KAZN: variants seen among roughly 807,000 people sequenced by gnomAD.
KAZN encodes the protein kazrin, periplakin interacting protein.
Under a neutral mutation model 87.4 loss-of-function variants are expected in KAZN, and 40 were observed. The ratio of observed to expected loss-of-function variants is 0.46; its 90% CI spans 0.36 to 0.60. The LOEUF (loss-of-function observed/expected upper bound fraction) is 0.60, where lower values mean the gene tolerates loss of function less well. KAZN is among the 20% of genes least tolerant of loss of function. The pLI, the probability that KAZN is intolerant of heterozygous loss-of-function variation, is 0.00. For synonymous variants in KAZN, 466 were observed against 458.3 expected, an observed-to-expected ratio of 1.02 and a Z score of -0.22; for missense variants, 898 against 1,073.9, an observed-to-expected ratio of 0.84 and a Z score of 2.29.
chr1:15,043,876 C>G (rs914936323), intron 3 of KAZN, 113 bp from the exon 4 acceptor site: 2 of 1,087,416 alleles, frequency 1.8e-6, no homozygotes, highest in African/African-American at 3.2e-5. Context: ...ATCTCCTGAC[C>G]TCGTGACCCC....
At chr1:15,106,996 C>T (rs1234847343) in intron 13 of KAZN, among the ~76,000 whole-genome samples, 1 of 152,138 alleles carries the variant, frequency 6.6e-6, no homozygotes, top group African/African-American at 2.4e-5. Flanking sequence ...GCCTTGAAGG[C>T]AATATGGCCT....
chr1:13,929,731 T>G (rs1216179392), intron 1 of KAZN, among the ~76,000 whole-genome samples: 4 of 152,192 alleles, frequency 2.6e-5, no homozygotes, highest in African/African-American at 9.7e-5. Flanking sequence ...TGGGAAGTGT[T>G]TGATATTTTC....
intron 2 of KAZN, among the ~76,000 whole-genome samples, chr1:14,486,668 A>G (rs926340986): frequency 4.6e-5 from 7 of 152,200 alleles, no homozygotes; most frequent in Admixed American, 4.6e-4. Context: ...CTCAGCAGAT[A>G]GACATTTTGA....
intron 1 of KAZN, among the ~76,000 whole-genome samples, chr1:14,730,794 C>G (rs1643644594): frequency 6.6e-6 from 1 of 152,280 alleles, no homozygotes; most frequent in Non-Finnish European, 1.5e-5. Flanking sequence ...AGGAACATTC[C>G]TTCCTGATTT....
intron 1 of KAZN, among the ~76,000 whole-genome samples, chr1:13,990,287 G>GA (rs1639216495): frequency 6.6e-6 from 1 of 152,028 alleles, no homozygotes; most frequent in Non-Finnish European, 1.5e-5. Flanking sequence ...AGTCCATCAA[G>GA]AAAAGAATGA....
intron 2 of KAZN, among the ~76,000 whole-genome samples, chr1:14,438,254 G>A (rs1471426146): frequency 6.6e-6 from 1 of 152,160 alleles, no homozygotes; most frequent in Non-Finnish European, 1.5e-5. Flanking sequence ...TGCCTGCCAG[G>A]TGCCCAGTGC....
intron 2 of KAZN, among the ~76,000 whole-genome samples, chr1:14,396,042 C>A (rs1026972596): frequency 3.3e-5 from 5 of 151,774 alleles, no homozygotes; most frequent in Admixed American, 3.3e-4. Flanking sequence ...GTGGCGCGCC[C>A]CTGTAATCCC....
chr1:13,915,902 A>G (rs1296179280), intron 1 of KAZN, among the ~76,000 whole-genome samples: 1 of 152,216 alleles, frequency 6.6e-6, no homozygotes, highest in East Asian at 1.9e-4. Flanking sequence ...TAGATGGAAA[A>G]CAATTCAGAT....
rs140490706 is a variant in KAZN at position 14,180,433 on chromosome 1, A to G, written c.92-2A>G. 1.3e-6 allele frequency: 2 copies of G among 1,548,006 alleles called. No homozygotes were observed. The highest frequency in any genetic ancestry group is 4.9e-5 in the East Asian group (2 of 40,890). ...TACTTTTCCTTCTTTTTCTTTCCAC[A>G]GCTGTGCAATCATTGCACACCCTCA... On this transcript the variant is annotated splice_acceptor_variant, in intron 1 of 16. Transcript: ENST00000636203. LOFTEE classifies it high-confidence loss of function.
chr1:14,455,903 T>C (rs1667542461), intron 2 of KAZN, among the ~76,000 whole-genome samples: 1 of 152,162 alleles, frequency 6.6e-6, no homozygotes, highest in Non-Finnish European at 1.5e-5. Flanking sequence ...GAAAAAGAAA[T>C]GTCCCTTAGA....
At chr1:14,670,868 G>A (rs922588134) in intron 1 of KAZN, among the ~76,000 whole-genome samples, 1 of 152,208 alleles carries the variant, frequency 6.6e-6, no homozygotes, top group Admixed American at 6.5e-5. Context: ...TTCTCGACAA[G>A]GGGTGACTTA....
chr1:13,969,989 G>A (rs987282378), intron 1 of KAZN, among the ~76,000 whole-genome samples: 2 of 152,198 alleles, frequency 1.3e-5, no homozygotes, highest in Admixed American at 6.5e-5. Context: ...AAAGGCACAG[G>A]CCTGGTGAAT....
intron 1 of KAZN, among the ~76,000 whole-genome samples, chr1:14,732,297 C>T (rs2100368655): frequency 6.6e-6 from 1 of 152,070 alleles, no homozygotes; most frequent in South Asian, 2.1e-4. Context: ...TTGGTGCAGT[C>T]CCCAGTAGGC....
At chr1:14,494,047 C>A (rs1032440554) in intron 2 of KAZN, among the ~76,000 whole-genome samples, 1 of 152,136 alleles carries the variant, frequency 6.6e-6, no homozygotes, top group Non-Finnish European at 1.5e-5. Flanking sequence ...TCTTCTGGTT[C>A]CTAGAGTAAA....
At chr1:14,855,830 G>A (rs536767000) in intron 1 of KAZN, among the ~76,000 whole-genome samples, 6 of 152,274 alleles carry the variant, frequency 3.9e-5, no homozygotes, top group South Asian at 2.1e-4. Flanking sequence ...TCTTGCAACC[G>A]CGCTAAGCCA....
At chr1:14,039,416 A>G (rs1259626684) in intron 1 of KAZN, among the ~76,000 whole-genome samples, 1 of 152,160 alleles carries the variant, frequency 6.6e-6, no homozygotes, top group Non-Finnish European at 1.5e-5. Flanking sequence ...GTATCGATGC[A>G]CTTTGTCATT....
At chr1:15,095,580 G>C (rs1640771688) in intron 10 of KAZN, among the ~76,000 whole-genome samples, 1 of 151,970 alleles carries the variant, frequency 6.6e-6, no homozygotes, top group Non-Finnish European at 1.5e-5. Flanking sequence ...GGCAGCTACA[G>C]GGTAAAGGGA....
At chr1:14,837,431 T>C (rs1310717455) in intron 1 of KAZN, among the ~76,000 whole-genome samples, 1 of 152,202 alleles carries the variant, frequency 6.6e-6, no homozygotes, top group African/African-American at 2.4e-5. Context: ...ACTCCCGACC[T>C]CAGGTGATCT....
chr1:14,151,027 A>G (rs1378623412), intron 1 of KAZN, among the ~76,000 whole-genome samples: 1 of 152,210 alleles, frequency 6.6e-6, no homozygotes, highest in Non-Finnish European at 1.5e-5. Context: ...TACCTACATT[A>G]TAAAACTATG....
Sources: allele counts gnomAD v4.1 joint callset (sites outside exome capture counted in the v4.1 genomes callset), GRCh38; gene constraint gnomAD v4.1.1; transcripts MANE v1.5; gene names NCBI Gene and HGNC (gene_info 2026-07-23, HGNC 2026-07-21).